MAP2K3: variants seen among roughly 807,000 people sequenced by gnomAD.
MAP2K3 encodes dual specificity mitogen-activated protein kinase kinase 3.
Under a neutral mutation model 46.4 loss-of-function variants are expected in MAP2K3, and 30 were observed. The ratio of observed to expected loss-of-function variants is 0.65; its 90% CI spans 0.48 to 0.88. The LOEUF (loss-of-function observed/expected upper bound fraction) is 0.88. Ranked by LOEUF, MAP2K3 falls within the 40% of genes least tolerant of loss-of-function variation. The probability of loss-of-function intolerance (pLI) is 0.00; values close to 1 mark genes in which losing one functional copy is unlikely to be tolerated. For synonymous variants in MAP2K3, 189 were observed against 176.3 expected (o/e 1.07, Z -0.57); for missense variants, 380 against 464.5 (o/e 0.82, Z 1.67).
chr17:21,302,067 T>C (rs1597819192), intron 5 of MAP2K3, 76 bp from the exon 6 acceptor site: 1 of 1,435,308 alleles, frequency 7.0e-7, no homozygotes, highest in Non-Finnish European at 9.8e-7. Flanking sequence ...CTGGGGCTGG[T>C]GCTGGGGCAG....
At chr17:21,299,664 G>A (rs1238885308) in intron 3 of MAP2K3, among the ~76,000 whole-genome samples, 2 of 150,368 alleles carry the variant, frequency 1.3e-5, no homozygotes, top group African/African-American at 4.9e-5. Context: ...CTTGGGTGAC[G>A]GAGTGAGACC....
intron 1 of MAP2K3, among the ~76,000 whole-genome samples, chr17:21,296,794 G>T (rs9914546): frequency 3.6e-3 from 555 of 152,166 alleles, no homozygotes; most frequent in African/African-American, 0.012. Context: ...CCAGGGTGTT[G>T]CTGCATCTTA....
At chr17:21,304,338 G>A in intron 7 of MAP2K3, 88 bp from the exon 8 acceptor site, 9 of 1,602,862 alleles carry the variant, frequency 5.6e-6, no homozygotes, top group East Asian at 2.2e-5. Flanking sequence ...GGTCTTGGGC[G>A]AGGGAGGGGG....
intron 1 of MAP2K3, among the ~76,000 whole-genome samples, chr17:21,287,685 T>TG (rs1445162561): frequency 6.6e-6 from 1 of 152,190 alleles, no homozygotes; most frequent in Non-Finnish European, 1.5e-5. Flanking sequence ...GGCCAGTGGG[T>TG]GGGGGCATGT....
chr17:21,299,054 C>T, intron 3 of MAP2K3, 128 bp downstream of exon 3: 1 of 1,399,308 alleles, frequency 7.1e-7, no homozygotes, highest in Middle Eastern at 1.8e-4. Flanking sequence ...TGGAGAAGAG[C>T]CTCGTCCTGC....
intron 9 of MAP2K3, among the ~76,000 whole-genome samples, chr17:21,310,109 G>A (rs1597831179): frequency 1.3e-5 from 2 of 151,632 alleles, no homozygotes; most frequent in Non-Finnish European, 2.9e-5. Flanking sequence ...AGGTTCAAGT[G>A]ATTCTCCTGC....
chr17:21,290,389 C>T (rs755685390), intron 1 of MAP2K3, among the ~76,000 whole-genome samples: 3 of 8,466 alleles, frequency 3.5e-4, no homozygotes, highest in African/African-American at 8.1e-4. Flanking sequence ...AGCCTCCTGC[C>T]GTTGGCATGG....
intron 1 of MAP2K3, chr17:21,295,617 G>A: frequency 3.9e-6 from 5 of 1,287,106 alleles, no homozygotes; most frequent in Non-Finnish European, 5.1e-6. Flanking sequence ...TCTGACAGCT[G>A]GGTGGCTTCC....
chr17:21,296,421 A>G (rs1976254688), intron 1 of MAP2K3, among the ~76,000 whole-genome samples: 1 of 152,308 alleles, frequency 6.6e-6, no homozygotes, highest in African/African-American at 2.4e-5. Context: ...TCCTGTTAGA[A>G]TGTGCTGAGC....
intron 7 of MAP2K3, among the ~76,000 whole-genome samples, chr17:21,304,035 TGCCTCCCAGGCTTTAATTGATC>T: frequency 0.018 from 1 of 56 alleles, no homozygotes. Flanking sequence ...ACGCAGATCC[TGCCTCCCAGGCTTTAATTGATC>T]CTGCTGCCCT....
In MAP2K3 at chr17:21,298,383, GCCAGACGCCTCACC is replaced by G. The variant is rs1408784959; in HGVS notation, c.50-29_50-16del. The G allele has an allele frequency of 1.2e-6, 2 of 1,614,242 alleles. No individual in the cohort carries two copies. The highest frequency in any genetic ancestry group is 3.3e-5 in the Admixed American group (2 of 60,038). On this transcript the variant is annotated splice_polypyrimidine_tract_variant and intron_variant, in intron 1 of 11. Transcript: ENST00000342679. ...AGGGGACATTGATGTCAAGGGATAG[GCCAGACGCCTCACC>G]TTCTCTCCATTCTAGGAAAATCCAA... is the stretch of plus-strand genomic sequence containing the variant.
intron 9 of MAP2K3, among the ~76,000 whole-genome samples, chr17:21,305,706 C>T (rs1976859948): frequency 6.6e-6 from 1 of 152,306 alleles, no homozygotes; most frequent in African/African-American, 2.4e-5. Context: ...CGTGTTGGGG[C>T]TCAGGTCAAG....
At chr17:21,302,491 G>C (rs1976664046) in intron 6 of MAP2K3, among the ~76,000 whole-genome samples, 1 of 152,310 alleles carries the variant, frequency 6.6e-6, no homozygotes, top group Admixed American at 6.5e-5. Flanking sequence ...CACAGATTTG[G>C]CAGATCCAGG....
intron 1 of MAP2K3, among the ~76,000 whole-genome samples, chr17:21,292,389 AT>A (rs11460376): frequency 1.1e-3 from 164 of 151,688 alleles, no homozygotes; most frequent in African/African-American, 2.7e-3. Context: ...TCTTCTTCTC[AT>A]TTTTTTTTTT....
chr17:21,306,853 G>C (rs75195358), intron 9 of MAP2K3, among the ~76,000 whole-genome samples: 1 of 152,130 alleles, frequency 6.6e-6, no homozygotes, highest in Non-Finnish European at 1.5e-5. Context: ...TGGTATCATC[G>C]CAGCTCACTG....
At chr17:21,293,681 C>T (rs1461109383) in intron 1 of MAP2K3, among the ~76,000 whole-genome samples, 1 of 152,260 alleles carries the variant, frequency 6.6e-6, no homozygotes. Flanking sequence ...CACAGCCGGG[C>T]AGAGGCAGGG....
intron 1 of MAP2K3, among the ~76,000 whole-genome samples, chr17:21,298,013 C>T (rs1976357481): frequency 6.6e-6 from 1 of 152,310 alleles, no homozygotes; most frequent in African/African-American, 2.4e-5. Flanking sequence ...CTAATGAAGC[C>T]CCTGTACAGT....
chr17:21,289,553 C>T (rs1311194652), intron 1 of MAP2K3, among the ~76,000 whole-genome samples: 1 of 152,170 alleles, frequency 6.6e-6, no homozygotes, highest in African/African-American at 2.4e-5. Flanking sequence ...GGCAGGGCCC[C>T]ACGACTGATG....
At chr17:21,298,608 TGCATACAG>T in intron 2 of MAP2K3, 129 bp downstream of exon 2, 1 of 1,471,632 alleles carries the variant, frequency 6.8e-7, no homozygotes, top group Non-Finnish European at 9.5e-7. Context: ...GCCCCTGCTG[TGCATACAG>T]CCAGGTGACG....
Sources: allele counts gnomAD v4.1 joint callset (sites outside exome capture counted in the v4.1 genomes callset), GRCh38; gene constraint gnomAD v4.1.1; transcripts MANE v1.5; gene names NCBI Gene and HGNC (gene_info 2026-07-23, HGNC 2026-07-21).